Variants in TPPP2 observed in about 807,000 individuals in gnomAD.
The protein encoded by TPPP2 is tubulin polymerization-promoting protein family member 2.
Under a neutral mutation model 13.0 loss-of-function variants are expected in TPPP2, and 8 were observed. The ratio of observed to expected loss-of-function variants is 0.62; its 90% CI spans 0.36 to 1.11. The LOEUF is 1.11. Ranked by LOEUF, TPPP2 falls within the 50% of genes most tolerant of loss-of-function variation. The probability of loss-of-function intolerance (pLI) is 0.02; values close to 1 mark genes in which losing one functional copy is unlikely to be tolerated. For synonymous variants in TPPP2, 81 were observed against 81.8 expected, an observed-to-expected ratio of 0.99 and a Z score of 0.05; for missense variants, 213 against 216.9, an observed-to-expected ratio of 0.98 and a Z score of 0.11.
At chr14:21,029,903 C>T (rs1362825230), upstream of TPPP2, among the ~76,000 whole-genome samples, 2 of 152,156 alleles carry the variant, frequency 1.3e-5, no homozygotes, top group Admixed American at 6.5e-5. Flanking sequence ...TTATAAGCCA[C>T]CCAGTTTGAT....
At position 21,030,319 on chromosome 14, in the gene TPPP2, T is replaced by C. The variant is rs571983820; in HGVS notation, c.-70+15T>C. 2.3e-6 allele frequency: 1 copy of C among 443,208 alleles called. No homozygotes were observed. Among genetic ancestry groups the C allele is most frequent in the South Asian group, 2.9e-5 (1 of 34,550 alleles). 27.5% of individuals were successfully genotyped at this position (443,208 alleles called of 1,614,324 possible). A position where few individuals can be genotyped will look rare whatever the true frequency, so the allele number is the denominator to read the frequency against. On this transcript the variant is annotated intron_variant, in intron 1 of 3. Transcript: ENST00000321760. ...GGTACTCTAAGGTACATAAAAGAGGTAGGGGAAAGAGAGGATCATTCAGTA... is the reference window on the plus strand; with the variant it reads ...GGTACTCTAAGGTACATAAAAGAGGCAGGGGAAAGAGAGGATCATTCAGTA...
At chr14:21,024,908 G>C (rs2139028805) in intron 1 of TPPP2, 1 of 985,604 alleles carries the variant, frequency 1.0e-6, no homozygotes, top group South Asian at 4.7e-5. Flanking sequence ...CCGAGCGCCC[G>C]CTCCGTGCTG....
At position 21,025,118 on chromosome 14, in the gene TPPP2, C is replaced by A; in HGVS notation, n.236+774C>A. ...TTCCCGCAGACCCGCCCCCGGCCCG[C>A]CCCAGCCCGCCCACGGGCGCTAGGC... On this transcript the variant is annotated intron_variant and non_coding_transcript_variant, in intron 1 of 1. Transcript: ENST00000533755. This position sits in a 1 kb window ranked among gnomAD's most constrained non-coding sequence, Gnocchi z 5.1. The A allele has an allele frequency of 4.1e-6, 4 of 984,286 alleles. No individual in the cohort carries two copies. The highest frequency in any genetic ancestry group is 4.8e-6 in the Non-Finnish European group (4 of 828,974). 61.0% of individuals were successfully genotyped at this position (984,286 alleles called of 1,614,324 possible).
chr14:21,026,704 A>G (rs1056687369), upstream of TPPP2, among the ~76,000 whole-genome samples: 7 of 151,728 alleles, frequency 4.6e-5, no homozygotes, highest in East Asian at 1.9e-4. Context: ...ACATCCCCCA[A>G]TTTGGAGCAC....
Position 21,025,008 on chromosome 14 carries a change from C to T in TPPP2, n.236+664C>T, listed in dbSNP as rs1883112194. 1.0e-6 allele frequency: 1 copy of T among 985,804 alleles called. No individual in the cohort carries two copies. The highest frequency in any genetic ancestry group is 4.7e-5 in the South Asian group (1 of 21,324). The allele number at this position is 985,804 out of a possible 1,614,324, so 61.1% of individuals were successfully genotyped here. On this transcript the variant is annotated intron_variant and non_coding_transcript_variant, in intron 1 of 1. Transcript: ENST00000533755. The surrounding 1 kb of genome is among the most constrained non-coding windows in gnomAD (Gnocchi z 5.1). The stretch of plus-strand genomic sequence containing the variant: ...TGGCGCCTTCCAGGCCCTACGGCCC[C>T]TCGCCTGCCCCTCCCCCTACCTGCT...
downstream of TPPP2, chr14:21,033,370 A>G: frequency 3.7e-6 from 1 of 268,220 alleles, no homozygotes; most frequent in Non-Finnish European, 7.3e-6. Flanking sequence ...TAGGTGGGTG[A>G]GTGGAGGGAA....
At chr14:21,033,921 C>A (rs751466358), downstream of TPPP2, 25 of 1,614,030 alleles carry the variant, frequency 1.5e-5, 1 homozygote, top group South Asian at 2.7e-4. Flanking sequence ...ATTGTAGTAG[C>A]AGCTAGTGGG....
Position 21,032,714 on chromosome 14 carries a change from AG to A in TPPP2, c.*640del, listed in dbSNP as rs1884309076. On this transcript the variant is annotated 3_prime_UTR_variant, in exon 4 of 4. Transcript: ENST00000321760. ...GGACAGAAGAGCTTACTGACTGCTA[AG>A]GGTAGCTCAGGAAGATGGCCAGATG... The A allele has an allele frequency of 5.6e-6, 2 of 359,422 alleles. No homozygotes were observed. Among genetic ancestry groups the A allele is most frequent in the Admixed American group, 3.9e-5 (1 of 25,548 alleles). The allele number at this position is 359,422 out of a possible 1,614,324, so 22.3% of individuals were successfully genotyped here.
chr14:21,030,401 G>A (rs1172287046), intron 1 of TPPP2, 97 bp downstream of exon 1: 11 of 624,172 alleles, frequency 1.8e-5, no homozygotes, highest in Non-Finnish European at 2.5e-5. Context: ...TGCTGTAGTT[G>A]CGTAGGTGCA....
chr14:21,026,512 C>T (rs1883650248), upstream of TPPP2, among the ~76,000 whole-genome samples: 3 of 151,000 alleles, frequency 2.0e-5, 1 homozygote, highest in South Asian at 6.4e-4. Context: ...ACCCTCCCAC[C>T]ACCACCCTCA....
At chr14:21,036,172 A>G (rs1884612701), downstream of TPPP2, 1 of 456,264 alleles carries the variant, frequency 2.2e-6, no homozygotes, top group Non-Finnish European at 4.4e-6. Flanking sequence ...CATCTCTTCC[A>G]TTCTTATTTC....
At chr14:21,029,665 C>A (rs1489678623), upstream of TPPP2, among the ~76,000 whole-genome samples, 3 of 152,076 alleles carry the variant, frequency 2.0e-5, no homozygotes, top group Non-Finnish European at 4.4e-5. Context: ...GGAGATGGGG[C>A]ATTTTGGGGG....
Position 21,024,585 on chromosome 14 carries a change from C to T in TPPP2, n.236+241C>T, listed in dbSNP as rs561452295. The T allele has an allele frequency of 4.7e-5, 46 of 985,470 alleles. No individual in the cohort carries two copies. In the South Asian group the frequency reaches 1.7e-3, roughly 37 times the overall value. 61.0% of individuals were successfully genotyped at this position (985,470 alleles called of 1,614,324 possible). ...AACACAAAGATTGGTGCCGTCGCTT[C>T]TCTCCTCTACTCAGTCTCCGTGTAG... On this transcript the variant is annotated intron_variant and non_coding_transcript_variant, in intron 1 of 1. Coordinates refer to the TPPP2 transcript ENST00000533755.
rs1206237627 is a variant in TPPP2 at position 21,032,323 on chromosome 14, C to G, written c.*246C>G. 3.3e-6 allele frequency: 2 copies of G among 606,068 alleles called. No homozygotes were observed. The highest frequency in any genetic ancestry group is 4.3e-5 in the Admixed American group (2 of 46,744). The allele number at this position is 606,068 out of a possible 1,614,324, so 37.5% of individuals were successfully genotyped here. On this transcript the variant is annotated 3_prime_UTR_variant, in exon 4 of 4. Transcript: ENST00000321760. Reference sequence around the variant, plus strand: ...AGTTAGCATTCCTCCTCAACAGCTGCTTCCAAGAACAGGATGGAAGAATAT... The same window carrying G: ...AGTTAGCATTCCTCCTCAACAGCTGGTTCCAAGAACAGGATGGAAGAATAT...
At chr14:21,028,685 A>C (rs1883861632), upstream of TPPP2, among the ~76,000 whole-genome samples, 1 of 152,134 alleles carries the variant, frequency 6.6e-6, no homozygotes, top group Non-Finnish European at 1.5e-5. Flanking sequence ...TGTTTTGTGA[A>C]AATTAATCTG....
rs1034114142 is a variant in TPPP2, at chr14:21,030,497, C to A, written c.-69-16C>A. ...TGACTGATTTTACCATAACACTCAT[C>A]CTCATTACTCCACAGTCCTCCCTCC... On this transcript the variant is annotated splice_polypyrimidine_tract_variant and intron_variant, in intron 1 of 3. Transcript: ENST00000321760. The A allele has an allele frequency of 2.2e-6, 3 of 1,395,028 alleles. No homozygotes were observed. The highest frequency in any genetic ancestry group is 1.4e-5 in the African/African-American group (1 of 70,398). The allele number at this position is 1,395,028 out of a possible 1,614,324, so 86.4% of individuals were successfully genotyped here.
At chr14:21,027,416 T>C (rs1232349094), upstream of TPPP2, among the ~76,000 whole-genome samples, 2 of 152,236 alleles carry the variant, frequency 1.3e-5, no homozygotes, top group African/African-American at 4.8e-5. Flanking sequence ...ACATTTGTGA[T>C]GAGAAATGAC....
chr14:21,035,028 C>A (rs988737314), downstream of TPPP2, among the ~76,000 whole-genome samples: 5 of 152,226 alleles, frequency 3.3e-5, no homozygotes, highest in African/African-American at 1.2e-4. Context: ...TTCTGAGGAA[C>A]AAAGTGCTTC....
chr14:21,031,170 G>T lies in TPPP2; in HGVS notation c.327+5G>T, dbSNP rs1852755430. The T allele has an allele frequency of 6.2e-7, 1 of 1,612,922 alleles. No homozygotes were observed. The highest frequency in any genetic ancestry group is 8.5e-7 in the Non-Finnish European group (1 of 1,179,580). On this transcript the variant is annotated splice_donor_5th_base_variant and intron_variant, in intron 3 of 3. Coordinates refer to ENST00000321760, the MANE Select transcript of TPPP2 (RefSeq NM_173846.5). The stretch of plus-strand genomic sequence containing the variant: ...CCAGCCACCACTGGCGCTACTGTGA[G>T]TGACAGCCTTCATCCCCTTGACCCT...
Sources: allele counts gnomAD v4.1 joint callset (sites outside exome capture counted in the v4.1 genomes callset), GRCh38; gene constraint gnomAD v4.1.1; non-coding constraint Gnocchi (gnomAD v3.1); transcripts MANE v1.5; gene names NCBI Gene and HGNC (gene_info 2026-07-23, HGNC 2026-07-21).